Variants in CFAP300 observed in about 807,000 individuals in gnomAD.
CFAP300 encodes cilia- and flagella-associated protein 300.
Under a neutral mutation model 33.0 loss-of-function variants are expected in CFAP300, and 32 were observed. That is an observed-to-expected ratio of 0.97 (90% CI 0.73 to 1.30). The LOEUF (loss-of-function observed/expected upper bound fraction) is 1.30, where lower values mean the gene tolerates loss of function less well. CFAP300 is among the 50% of genes most tolerant of loss of function. CFAP300 has a pLI of 0.00. For missense variants in CFAP300, 356 were observed against 318.1 expected (o/e 1.12, Z -0.90); for synonymous variants, 102 against 106.8 (o/e 0.95, Z 0.28).
At chr11:102,063,590 G>T (rs1206983528) in intron 3 of CFAP300, among the ~76,000 whole-genome samples, 1 of 152,194 alleles carries the variant, frequency 6.6e-6, no homozygotes, top group African/African-American at 2.4e-5. Flanking sequence ...CACTTCAAGA[G>T]GCCAAGGTGG....
At chr11:102,076,173 C>T (rs1023864860) in intron 5 of CFAP300, 128 bp downstream of exon 5, 4 of 1,000,622 alleles carry the variant, frequency 4.0e-6, no homozygotes, top group Admixed American at 3.6e-5. Context: ...AAAGCTCTAC[C>T]CTTACCCCCC....
chr11:102,051,743 C>A (rs1941974532), intron 2 of CFAP300, among the ~76,000 whole-genome samples: 1 of 152,100 alleles, frequency 6.6e-6, no homozygotes, highest in African/African-American at 2.4e-5. Flanking sequence ...GAGACAGGGT[C>A]TCACTATGTT....
chr11:102,066,748 C>A, intron 4 of CFAP300, 97 bp downstream of exon 4: 1 of 937,122 alleles, frequency 1.1e-6, no homozygotes, highest in Non-Finnish European at 1.6e-6. Flanking sequence ...AATACCTTGT[C>A]ATAAAATACC....
At chr11:102,072,015 G>A (rs148847493) in intron 4 of CFAP300, among the ~76,000 whole-genome samples, 4 of 152,126 alleles carry the variant, frequency 2.6e-5, no homozygotes, top group Non-Finnish European at 5.9e-5. Flanking sequence ...GTATCTGGTC[G>A]TCTAAATCTC....
intron 3 of CFAP300, 130 bp downstream of exon 3, chr11:102,059,085 C>T: frequency 1.8e-6 from 1 of 562,386 alleles, no homozygotes; most frequent in Admixed American, 3.7e-5. Flanking sequence ...CAAATATGAC[C>T]AGCTGTGCCA....
chr11:102,063,130 C>CT (rs1942174250), intron 3 of CFAP300, among the ~76,000 whole-genome samples: 1 of 152,094 alleles, frequency 6.6e-6, no homozygotes, highest in Non-Finnish European at 1.5e-5. Context: ...TAAATTGGCC[C>CT]TGTGGAACCT....
rs770320127 is a variant in CFAP300, at chr11:102,047,462, G to A, written c.-9G>A. ...AAACGGCCCAGGCATCCACCCAGCCGAGAGCACGATGGCTACTGGGGAGCT... is the reference window on the plus strand; with the variant it reads ...AAACGGCCCAGGCATCCACCCAGCCAAGAGCACGATGGCTACTGGGGAGCT... On this transcript the variant is annotated 5_prime_UTR_variant, in exon 1 of 7. Transcript: ENST00000434758. The A allele has an allele frequency of 6.5e-6, 10 of 1,535,108 alleles. No individual in the cohort carries two copies. Among genetic ancestry groups the A allele is most frequent in the African/African-American group, 1.4e-5 (1 of 73,034 alleles).
At chr11:102,048,381 G>C (rs1941918743) in intron 2 of CFAP300, among the ~76,000 whole-genome samples, 2 of 147,406 alleles carry the variant, frequency 1.4e-5, no homozygotes, top group African/African-American at 5.0e-5. Context: ...ACCACGTCCA[G>C]CTAATTAAAA....
intron 2 of CFAP300, among the ~76,000 whole-genome samples, chr11:102,056,871 CA>C (rs1159653116): frequency 6.6e-6 from 1 of 151,990 alleles, no homozygotes; most frequent in African/African-American, 2.4e-5. Context: ...GTGATCCACC[CA>C]CCTTGGCCTC....
rs1055762645 is a variant in CFAP300 at position 102,047,736 on chromosome 11, C to T, written c.111-79C>T. 5 of 1,532,300 alleles carry T rather than the reference C, an allele frequency of 3.3e-6. No individual in the cohort carries two copies. The African/African-American group carries it at 6.9e-5, about 21-fold the overall frequency. The allele number at this position is 1,532,300 out of a possible 1,614,324, so 94.9% of individuals were successfully genotyped here. A position where few individuals can be genotyped will look rare whatever the true frequency, so the allele number is the denominator to read the frequency against. On this transcript the variant is annotated intron_variant, in intron 1 of 6. Coordinates refer to ENST00000434758, the MANE Select transcript of CFAP300 (RefSeq NM_032930.3). Reference sequence around the variant, plus strand: ...CCGAACCACCCGGGAAGGGCGGATGCTGTGGGTGGGATCGGTTATCGGTGC... The same window carrying T: ...CCGAACCACCCGGGAAGGGCGGATGTTGTGGGTGGGATCGGTTATCGGTGC...
Position 102,083,075 on chromosome 11 carries a change from C to T in CFAP300, c.680C>T (p.Ser227Phe). The change falls in exon 7 of 7, where the codon TCT becomes TTT. Residue 227 changes from serine to phenylalanine, a missense_variant. Transcript: ENST00000434758. ...ATTTAGGTTTGTCTTTTTCAGGATT[C>T]TGCTGGTATGTGCTATCCTTCAGCA... ...SSVFKVSAYDSAGMCYPSAKN... is the reference protein window; with the variant it reads ...SSVFKVSAYDFAGMCYPSAKN... The T allele has an allele frequency of 7.0e-7, 1 of 1,425,772 alleles. No individual in the cohort carries two copies. The highest frequency in any genetic ancestry group is 9.2e-7 in the Non-Finnish European group (1 of 1,085,746). The allele number at this position is 1,425,772 out of a possible 1,614,324, so 88.3% of individuals were successfully genotyped here.
intron 2 of CFAP300, among the ~76,000 whole-genome samples, chr11:102,056,367 T>C (rs543239939): frequency 6.6e-6 from 1 of 152,338 alleles, no homozygotes; most frequent in South Asian, 2.1e-4. Context: ...TTTTTATTGT[T>C]CAAGATAATA....
At chr11:102,057,597 A>G (rs1942079161) in intron 2 of CFAP300, among the ~76,000 whole-genome samples, 1 of 152,194 alleles carries the variant, frequency 6.6e-6, no homozygotes, top group Admixed American at 6.5e-5. Flanking sequence ...ACAACCATGC[A>G]ATTTGGGAGT....
chr11:102,071,367 G>A (rs1942310621), intron 4 of CFAP300, among the ~76,000 whole-genome samples: 1 of 152,074 alleles, frequency 6.6e-6, no homozygotes, highest in Non-Finnish European at 1.5e-5. Context: ...TGGATCATGT[G>A]TTGTTGTTGT....
chr11:102,065,985 T>G (rs1419030889), intron 3 of CFAP300, among the ~76,000 whole-genome samples: 1 of 151,596 alleles, frequency 6.6e-6, no homozygotes, highest in East Asian at 1.9e-4. Context: ...TTTTTTTTTT[T>G]TTTGAGACGC....
At chr11:102,076,239 A>C in intron 5 of CFAP300, 194 bp downstream of exon 5, 1 of 493,154 alleles carries the variant, frequency 2.0e-6, no homozygotes, top group Non-Finnish European at 3.2e-6. Flanking sequence ...TTTCTCTCTC[A>C]TTTAGTTCTC....
At chr11:102,062,506 T>A (rs1158301609) in intron 3 of CFAP300, among the ~76,000 whole-genome samples, 1 of 152,172 alleles carries the variant, frequency 6.6e-6, no homozygotes, top group African/African-American at 2.4e-5. Context: ...TGTTATAAAG[T>A]GGCAAATAAC....
chr11:102,053,155 G>A (rs1219225092), intron 2 of CFAP300, among the ~76,000 whole-genome samples: 1 of 152,100 alleles, frequency 6.6e-6, no homozygotes, highest in Non-Finnish European at 1.5e-5. Context: ...CTTGAACCTG[G>A]GAGGTGGAGG....
Position 102,059,281 on chromosome 11 carries a change from ATGTGTGTGTGTGTGTGTG to A in CFAP300, c.268+350_268+367del, listed in dbSNP as rs55657614. Among the ~76,000 whole-genome samples the A allele has an allele frequency of 6.4e-4, 95 of 148,672 alleles. 3 individuals are homozygous for A. Among genetic ancestry groups the A allele is most frequent in the African/African-American group, 1.5e-3 (62 of 40,560 alleles). On this transcript the variant is annotated intron_variant, in intron 3 of 6. Coordinates refer to ENST00000434758, the MANE Select transcript of CFAP300 (RefSeq NM_032930.3). ...TACTAAATGAACTTGATATGTTAAA[ATGTGTGTGTGTGTGTGTG>A]TGTGTGTGTGTGTGTGTGTGTGTAT...
Sources: allele counts gnomAD v4.1 joint callset (sites outside exome capture counted in the v4.1 genomes callset), GRCh38; gene constraint gnomAD v4.1.1; transcripts MANE v1.5; gene names NCBI Gene and HGNC (gene_info 2026-07-23, HGNC 2026-07-21).